The following ERBB4 variants were observed in gnomAD, a reference collection of about 807,000 sequenced individuals.
The protein encoded by ERBB4 is receptor tyrosine-protein kinase erbB-4.
A neutral mutation model predicts 158.0 loss-of-function variants in ERBB4; 42 were observed. The ratio of observed to expected loss-of-function variants is 0.27; its 90% CI spans 0.21 to 0.34. The LOEUF (loss-of-function observed/expected upper bound fraction) is 0.34. ERBB4 is among the 10% of genes least tolerant of loss of function. The pLI is 1.00. For missense variants in ERBB4, 1,333 were observed against 1,624.1 expected, an observed-to-expected ratio of 0.82 and a Z score of 3.08; for synonymous variants, 583 against 558.7, an observed-to-expected ratio of 1.04 and a Z score of -0.61.
At chr2:211,813,181 G>T (rs2076798740) in intron 3 of ERBB4, among the ~76,000 whole-genome samples, 1 of 152,182 alleles carries the variant, frequency 6.6e-6, no homozygotes, top group African/African-American at 2.4e-5. Context: ...TCTTGGAATG[G>T]AAATCAAGAT....
chr2:212,178,155 T>A (rs899442604), intron 1 of ERBB4, among the ~76,000 whole-genome samples: 2 of 151,766 alleles, frequency 1.3e-5, no homozygotes, highest in East Asian at 3.9e-4. Context: ...TTGTCTATGT[T>A]AAAGATTCAG....
At chr2:211,651,427 A>C in intron 16 of ERBB4, among the ~76,000 whole-genome samples, 1 of 152,190 alleles carries the variant, frequency 6.6e-6, no homozygotes, top group Non-Finnish European at 1.5e-5. Flanking sequence ...ACAGAAATCA[A>C]AAATTGCTCC....
chr2:212,192,715 C>T (rs950048617), intron 1 of ERBB4, among the ~76,000 whole-genome samples: 3 of 152,072 alleles, frequency 2.0e-5, no homozygotes, highest in African/African-American at 7.2e-5. Context: ...ATATACTATA[C>T]TCAGTAGAGT....
At chr2:211,538,382 T>A (rs1231085447) in intron 20 of ERBB4, among the ~76,000 whole-genome samples, 1 of 151,810 alleles carries the variant, frequency 6.6e-6, no homozygotes, top group Non-Finnish European at 1.5e-5. Context: ...TCCCAGAAAT[T>A]CCTAAAATTT....
intron 2 of ERBB4, among the ~76,000 whole-genome samples, chr2:212,101,311 T>C (rs2079073416): frequency 6.9e-6 from 1 of 145,594 alleles, no homozygotes; most frequent in African/African-American, 2.5e-5. Context: ...AAATGTGTTT[T>C]GCATTTGGAT....
At chr2:212,373,965 TATATATCCATATATATATATCC>T (rs2090212018) in intron 1 of ERBB4, among the ~76,000 whole-genome samples, 1 of 135,144 alleles carries the variant, frequency 7.4e-6, no homozygotes, top group Non-Finnish European at 1.6e-5. Context: ...TATATATCCA[TATATATCCATATATATATATCC>T]ATATATATCC....
At chr2:211,982,474 T>C (rs2081828897) in intron 2 of ERBB4, among the ~76,000 whole-genome samples, 1 of 152,168 alleles carries the variant, frequency 6.6e-6, no homozygotes, top group Non-Finnish European at 1.5e-5. Flanking sequence ...AAAAAATGTT[T>C]GGGAGTCAAA....
At chr2:212,049,947 G>A (rs1056533485) in intron 2 of ERBB4, among the ~76,000 whole-genome samples, 6 of 152,038 alleles carry the variant, frequency 3.9e-5, no homozygotes, top group Non-Finnish European at 8.8e-5. Flanking sequence ...TACGTGTCAT[G>A]ATTTATCTTT....
chr2:211,474,694 T>C (rs1022188275), intron 20 of ERBB4, among the ~76,000 whole-genome samples: 2 of 152,104 alleles, frequency 1.3e-5, no homozygotes, highest in Non-Finnish European at 2.9e-5. Flanking sequence ...AAAATTGTAA[T>C]ATAATCGAAC....
chr2:212,310,221 T>C (rs1193094044), intron 1 of ERBB4, among the ~76,000 whole-genome samples: 1 of 150,796 alleles, frequency 6.6e-6, no homozygotes, highest in Non-Finnish European at 1.5e-5. Context: ...ATTAACACTA[T>C]TTTAATATCT....
At position 212,066,569 on chromosome 2, in the gene ERBB4, GT is replaced by G. The variant is rs2077954139; in HGVS notation, c.234+58182del. ...AATATGTGTTTCAGAATTATATAAA[GT>G]TCCTAGAAATCTGATATGTTTTAGT... On this transcript the variant is annotated intron_variant, in intron 2 of 27. Coordinates refer to ENST00000342788, the MANE Select transcript of ERBB4 (RefSeq NM_005235.3). 2.6e-5 allele frequency among the ~76,000 whole-genome samples: 4 copies of G among 152,058 alleles called. No individual in the cohort carries two copies. The South Asian group carries it at 8.3e-4, about 31-fold the overall frequency.
At chr2:212,028,871 C>T (rs1011275588) in intron 2 of ERBB4, among the ~76,000 whole-genome samples, 1 of 151,992 alleles carries the variant, frequency 6.6e-6, no homozygotes, top group Non-Finnish European at 1.5e-5. Flanking sequence ...AGTAAGTGGG[C>T]AGGAGAGGGA....
chr2:211,502,263 CA>C (rs1272047486), intron 20 of ERBB4, among the ~76,000 whole-genome samples: 2 of 152,038 alleles, frequency 1.3e-5, no homozygotes, highest in Non-Finnish European at 2.9e-5. Flanking sequence ...TTCTAACAAA[CA>C]AATTTGGGAA....
chr2:211,922,097 T>C (rs1307650115), intron 3 of ERBB4, among the ~76,000 whole-genome samples: 2 of 152,084 alleles, frequency 1.3e-5, no homozygotes, highest in East Asian at 3.9e-4. Flanking sequence ...ATCTACAAGA[T>C]TAAGAATTCA....
At chr2:211,713,437 G>A in intron 8 of ERBB4, 98 bp downstream of exon 8, 1 of 749,210 alleles carries the variant, frequency 1.3e-6, no homozygotes. Context: ...TTGGTTGTGA[G>A]AGTGGGTTTA....
chr2:211,973,244 C>T (rs1442598823), intron 2 of ERBB4, among the ~76,000 whole-genome samples: 1 of 151,618 alleles, frequency 6.6e-6, no homozygotes. Context: ...CTCTTCCACC[C>T]AGGCTGGAGT....
chr2:211,877,226 C>T (rs1004820289), intron 3 of ERBB4, among the ~76,000 whole-genome samples: 9 of 152,100 alleles, frequency 5.9e-5, no homozygotes, highest in African/African-American at 1.9e-4. Flanking sequence ...GGCTGAAGCT[C>T]GAGTAGCCTT....
chr2:212,365,060 A>T lies in ERBB4; in HGVS notation c.82+173389T>A, dbSNP rs543957445. On this transcript the variant is annotated intron_variant, in intron 1 of 27. Coordinates refer to ENST00000342788, the MANE Select transcript of ERBB4 (RefSeq NM_005235.3). ...AAATATTTTATAAAATATTTATAAA[A>T]ATTTCTGGTCATTTAATTTTTGAAA... Among the ~76,000 whole-genome samples, 8 of 151,780 alleles carry T rather than the reference A, an allele frequency of 5.3e-5. No homozygotes were observed. The South Asian group carries it at 1.2e-3, about 24-fold the overall frequency.
intron 1 of ERBB4, among the ~76,000 whole-genome samples, chr2:212,476,733 A>G (rs1689423727): frequency 6.6e-6 from 1 of 152,138 alleles, no homozygotes; most frequent in Admixed American, 6.6e-5. Flanking sequence ...CACAAATTAA[A>G]AAGTTTTATA....
Sources: allele counts gnomAD v4.1 joint callset (sites outside exome capture counted in the v4.1 genomes callset), GRCh38; gene constraint gnomAD v4.1.1; transcripts MANE v1.5; gene names NCBI Gene and HGNC (gene_info 2026-07-23, HGNC 2026-07-21).